The following DUOX1 variants were observed in gnomAD, a reference collection of about 807,000 sequenced individuals.
The protein encoded by DUOX1 is NADPH thyroid oxidase 1.
Under a neutral mutation model 181.8 loss-of-function variants are expected in DUOX1, and 134 were observed. The observed-to-expected ratio is 0.74, with a 90% CI of 0.64 to 0.85. The LOEUF is 0.85. Ranked by LOEUF, DUOX1 falls within the 40% of genes least tolerant of loss-of-function variation. The pLI is 0.00. For missense variants in DUOX1, 1,814 were observed against 2,064.4 expected (o/e 0.88, Z 2.35); for synonymous variants, 798 against 832.5 (o/e 0.96, Z 0.71).
At chr15:45,152,203 C>T in intron 24 of DUOX1, 83 bp from the exon 25 acceptor site, 1 of 1,476,268 alleles carries the variant, frequency 6.8e-7, no homozygotes, top group Non-Finnish European at 9.1e-7. Context: ...TTGTGAGTGG[C>T]AGCCGGCCAG....
chr15:45,151,353 G>A lies in DUOX1; in HGVS notation c.3014+105G>A, dbSNP rs932969173. 12 of 1,455,802 alleles carry A rather than the reference G, an allele frequency of 8.2e-6. No homozygotes were observed. In the East Asian group the frequency reaches 2.1e-4, roughly 25 times the overall value. 90.2% of individuals were successfully genotyped at this position (1,455,802 alleles called of 1,614,324 possible). On this transcript the variant is annotated intron_variant, in intron 23 of 33. Transcript: ENST00000389037. ...ACTGTGCTAAACATTGTGGGTACAG[G>A]CAGGGTGAATAGTCCTTGCCCAAGA...
In DUOX1 at chr15:45,164,908, G is replaced by GC; in HGVS notation, c.*10dup. ...CCATTATGAGAACTTCTAGGCCCCT[G>GC]CCCGGGGGTTCTGCCCACTGCCCAG... On this transcript the variant is annotated 3_prime_UTR_variant, in exon 34 of 34. Transcript: ENST00000389037. 1.2e-6 allele frequency: 2 copies of GC among 1,613,634 alleles called. No individual in the cohort carries two copies. The highest frequency in any genetic ancestry group is 1.1e-5 in the South Asian group (1 of 91,074).
In DUOX1 at chr15:45,137,814, G is replaced by A. The variant is rs1000967585; in HGVS notation, c.1023-110G>A. ...TAAGGTCCGAACCACACACCACCTCGGAAAGACGATGGCCTGGGGTCCCTG... is the reference window on the plus strand; with the variant it reads ...TAAGGTCCGAACCACACACCACCTCAGAAAGACGATGGCCTGGGGTCCCTG... On this transcript the variant is annotated intron_variant, in intron 9 of 33. Transcript: ENST00000389037. 6.3e-5 allele frequency: 52 copies of A among 830,502 alleles called. No individual in the cohort carries two copies. The Admixed American group carries it at 7.8e-4, about 13-fold the overall frequency. The allele number at this position is 830,502 out of a possible 1,614,324, so 51.4% of individuals were successfully genotyped here.
At chr15:45,147,343 C>T (rs1436580757) in intron 18 of DUOX1, 90 bp from the exon 19 acceptor site, 1 of 1,512,404 alleles carries the variant, frequency 6.6e-7, no homozygotes, top group Non-Finnish European at 8.9e-7. Flanking sequence ...GGGCAGACAC[C>T]TCAAAAGGTG....
intron 15 of DUOX1, among the ~76,000 whole-genome samples, chr15:45,142,804 G>GAA (rs1896541663): frequency 2.0e-5 from 3 of 150,784 alleles, no homozygotes; most frequent in African/African-American, 7.3e-5. Flanking sequence ...AGGAAGGGAG[G>GAA]GAGGAAGAGC....
At chr15:45,160,579 C>T (rs1421786531) in intron 28 of DUOX1, among the ~76,000 whole-genome samples, 1 of 106,984 alleles carries the variant, frequency 9.3e-6, no homozygotes, top group Non-Finnish European at 1.8e-5. Context: ...AAGGCTCCTG[C>T]ATGAGTCCAG....
At chr15:45,153,728 TCTC>T (rs1896890862) in intron 26 of DUOX1, 1 of 633,042 alleles carries the variant, frequency 1.6e-6, no homozygotes, top group South Asian at 1.9e-5. Flanking sequence ...TTCCCAAAGA[TCTC>T]CTCTCATTAG....
intron 24 of DUOX1, 95 bp downstream of exon 24, chr15:45,152,147 G>A: frequency 6.6e-7 from 1 of 1,509,204 alleles, no homozygotes; most frequent in East Asian, 2.4e-5. Context: ...GCCCTGGGTA[G>A]GGTAAGTGGA....
intron 20 of DUOX1, 110 bp downstream of exon 20, chr15:45,148,107 A>G: frequency 7.1e-7 from 1 of 1,410,282 alleles, no homozygotes; most frequent in South Asian, 1.2e-5. Flanking sequence ...CCTCCTCCTT[A>G]CCCATGTAAC....
intron 20 of DUOX1, 121 bp downstream of exon 20, chr15:45,148,118 C>A (rs1896702742): frequency 7.0e-7 from 1 of 1,424,848 alleles, no homozygotes; most frequent in African/African-American, 1.4e-5. Flanking sequence ...CCCATGTAAC[C>A]AGAGGCTGTT....
intron 28 of DUOX1, among the ~76,000 whole-genome samples, chr15:45,156,977 C>T (rs1265544814): frequency 6.6e-6 from 1 of 152,192 alleles, no homozygotes; most frequent in Non-Finnish European, 1.5e-5. Context: ...CACTTAGAAG[C>T]TAAACCAAAT....
chr15:45,152,902 G>A (rs868031252), intron 25 of DUOX1: 2 of 363,780 alleles, frequency 5.5e-6, no homozygotes, highest in Middle Eastern at 9.1e-4. Flanking sequence ...GTGGGGTGTT[G>A]GGTAGGGCCA....
chr15:45,165,051 T>C lies in DUOX1; in HGVS notation c.*150T>C, dbSNP rs978761321. 2.4e-6 allele frequency: 2 copies of C among 850,780 alleles called. No homozygotes were observed. The highest frequency in any genetic ancestry group is 3.4e-5 in the African/African-American group (2 of 58,664). 52.7% of individuals were successfully genotyped at this position (850,780 alleles called of 1,614,324 possible). ...CAGGTGGCCATAGTCAGTCACCATG[T>C]GTGGGCTCAGGGACCCCCAGGACCA... On this transcript the variant is annotated 3_prime_UTR_variant, in exon 34 of 34. Transcript: ENST00000389037.
chr15:45,151,902 A>G lies in DUOX1; in HGVS notation c.3043A>G (p.Thr1015Ala). 4 of 1,611,600 alleles carry G rather than the reference A, an allele frequency of 2.5e-6. No individual in the cohort carries two copies. The highest frequency in any genetic ancestry group is 3.4e-6 in the Non-Finnish European group (4 of 1,179,132). The change falls in exon 24 of 34, where the codon ACT becomes GCT. Residue 1015 changes from threonine to alanine, a missense_variant. Transcript: ENST00000389037. ...AACGTCATTCCAGCCCTTGCTGTTC[A>G]CTGAGGCGCACCGAGAGAAGTTCCA... ...KVTSFQPLLF[T>A]EAHREKFQRS...
At position 45,139,537 on chromosome 15, in the gene DUOX1, G is replaced by A. The variant is rs1213003105; in HGVS notation, c.1327G>A (p.Gly443Ser). Residue 443 changes from glycine to serine, a missense_variant, in exon 12 of 34, where the codon GGC (glycine) becomes AGC (serine). Around this residue, in one of 5 missense-constraint regions of DUOX1, gnomAD observed 1,064 missense variants for 1,152.9 expected, o/e 0.92. Transcript: ENST00000389037. ...TTACACCAAGGCCAGGGCAGCACTG[G>A]GCTTGTCTCCCATTACCCGCTGGCA... ...PSYTKARAAL[G>S]LSPITRWQDI... The A allele has an allele frequency of 6.2e-7, 1 of 1,612,954 alleles. No individual in the cohort carries two copies. The highest frequency in any genetic ancestry group is 1.7e-5 in the Admixed American group (1 of 59,620).
In DUOX1 at chr15:45,155,860, C is replaced by G. The variant is rs757392509; in HGVS notation, c.3633C>G (p.His1211Gln). Residue 1211 changes from histidine to glutamine, a missense_variant, in exon 28 of 34, where the codon CAC becomes CAG. His to Gln is a conservative substitution (Grantham distance 24). Coordinates refer to ENST00000389037, the MANE Select transcript of DUOX1 (RefSeq NM_175940.3). The stretch of plus-strand genomic sequence containing the variant: ...CCATCATGTATGTCTTTGCCTCCCA[C>G]CACTTCCGCCGCCGCAGTTTCCGGG... ...ILAIMYVFAS[H>Q]HFRRRSFRGF... is the part of the protein sequence containing the mutation. 4.3e-6 allele frequency: 7 copies of G among 1,614,146 alleles called. No homozygotes were observed. Among genetic ancestry groups the G allele is most frequent in the Non-Finnish European group, 5.9e-6 (7 of 1,180,038 alleles).
At chr15:45,153,124 G>A in intron 25 of DUOX1, 1 of 436,942 alleles carries the variant, frequency 2.3e-6, no homozygotes. Context: ...AGGAGGCTGA[G>A]GCAGGAGAAT....
Position 45,149,387 on chromosome 15 carries a change from C to G in DUOX1, c.2818+940C>G, listed in dbSNP as rs145711521. Among the ~76,000 whole-genome samples the G allele has an allele frequency of 2.4e-3, 369 of 152,272 alleles. 3 individuals are homozygous for G. Among genetic ancestry groups the G allele is most frequent in the African/African-American group, 8.5e-3 (354 of 41,542 alleles). On this transcript the variant is annotated intron_variant, in intron 21 of 33. Transcript: ENST00000389037. ...CACCTGAGCCTAAGGGCAGGGGCAA[C>G]GAAGGTGCATGGAAGGGAGCCCACA...
chr15:45,151,063 T>G, intron 22 of DUOX1, 60 bp from the exon 23 acceptor site: 2 of 1,601,468 alleles, frequency 1.2e-6, no homozygotes, highest in Non-Finnish European at 1.7e-6. Context: ...CAGACCAGGA[T>G]AGCAGAGGAA....
Sources: gnomAD v4.1 joint callset for allele counts (sites outside exome capture counted in the v4.1 genomes callset) on GRCh38, gnomAD v4.1.1 for gene constraint, gnomAD v4.1.1 regional missense constraint, MANE v1.5 for transcripts, NCBI Gene and HGNC (gene_info 2026-07-23, HGNC 2026-07-21) for gene names.